SV2C: variants seen among roughly 807,000 people sequenced by gnomAD.
The protein encoded by SV2C is solute carrier family 22 member B3.
SV2C carries 49 observed loss-of-function variants against 79.7 expected under a neutral mutation model. That is an observed-to-expected ratio of 0.61 (90% confidence interval 0.49 to 0.78). The LOEUF (loss-of-function observed/expected upper bound fraction) is 0.78, where lower values mean the gene tolerates loss of function less well. Ranked by LOEUF, SV2C falls within the 30% of genes least tolerant of loss-of-function variation. The probability of loss-of-function intolerance (pLI) is 0.00; values close to 1 mark genes in which losing one functional copy is unlikely to be tolerated. For missense variants in SV2C, 833 were observed against 912.9 expected (o/e 0.91, Z 1.13); for synonymous variants, 334 against 333.2 (o/e 1.00, Z -0.03).
At chr5:76,042,037 G>A in the SV2C span, among the ~76,000 whole-genome samples, 1 of 152,140 alleles carries the variant, frequency 6.6e-6, no homozygotes, top group South Asian at 2.1e-4. Flanking sequence ...CATCCCACCT[G>A]TGTAGCCTGC....
chr5:75,910,598 T>A, the SV2C span: 2 of 738,806 alleles, frequency 2.7e-6, no homozygotes, highest in East Asian at 5.5e-5. Flanking sequence ...AATTGCCAAG[T>A]GGGGTTGAAA....
the SV2C span, among the ~76,000 whole-genome samples, chr5:75,998,022 T>A: frequency 1.3e-5 from 2 of 152,000 alleles, no homozygotes; most frequent in South Asian, 2.1e-4. Flanking sequence ...TAAAAAAGGA[T>A]GAGTTCATGT....
chr5:76,268,335 A>G (rs1289521740), intron 4 of SV2C, among the ~76,000 whole-genome samples: 1 of 152,172 alleles, frequency 6.6e-6, no homozygotes, highest in Non-Finnish European at 1.5e-5. Flanking sequence ...GTGATACTGG[A>G]TTCACGGGGC....
the SV2C span, among the ~76,000 whole-genome samples, chr5:75,880,805 C>G: frequency 6.6e-6 from 1 of 152,148 alleles, no homozygotes; most frequent in South Asian, 2.1e-4. Context: ...CCCCACTTCT[C>G]AGTACCAATT....
At chr5:76,255,723 G>A (rs909452950) in intron 4 of SV2C, among the ~76,000 whole-genome samples, 4 of 152,118 alleles carry the variant, frequency 2.6e-5, no homozygotes, top group African/African-American at 7.2e-5. Context: ...GAGTGGTCAC[G>A]CCTGGCCACC....
chr5:75,880,941 C>T, the SV2C span, among the ~76,000 whole-genome samples: 1 of 152,162 alleles, frequency 6.6e-6, no homozygotes, highest in African/African-American at 2.4e-5. Context: ...GCATCTGCTT[C>T]TGGTGAAGAT....
At chr5:75,955,838 A>G in the SV2C span, among the ~76,000 whole-genome samples, 1 of 152,028 alleles carries the variant, frequency 6.6e-6, no homozygotes, top group Admixed American at 6.5e-5. Context: ...AATCAAAACC[A>G]CAATGAGATA....
At chr5:75,948,197 G>C in the SV2C span, among the ~76,000 whole-genome samples, 1 of 151,982 alleles carries the variant, frequency 6.6e-6, no homozygotes, top group Non-Finnish European at 1.5e-5. Context: ...ATGTAAGTTA[G>C]GACTGCACCT....
chr5:76,232,508 T>C (rs1359170860), intron 4 of SV2C, among the ~76,000 whole-genome samples: 1 of 149,336 alleles, frequency 6.7e-6, no homozygotes, highest in Non-Finnish European at 1.5e-5. Flanking sequence ...CATGAAGTCC[T>C]TGCCCATGCC....
upstream of SV2C, among the ~76,000 whole-genome samples, chr5:76,081,664 G>T (rs528281529): frequency 1.3e-5 from 2 of 152,144 alleles, no homozygotes; most frequent in African/African-American, 4.8e-5. Flanking sequence ...CCTCTCACCG[G>T]AACAAGACAG....
At chr5:75,964,128 A>G in the SV2C span, among the ~76,000 whole-genome samples, 1 of 151,662 alleles carries the variant, frequency 6.6e-6, no homozygotes, top group South Asian at 2.1e-4. Flanking sequence ...CTGTCTGTTC[A>G]TGTTTTCTTT....
the SV2C span, among the ~76,000 whole-genome samples, chr5:76,063,636 G>A: frequency 5.4e-4 from 82 of 152,244 alleles, no homozygotes; most frequent in African/African-American, 1.6e-3. Flanking sequence ...AGGACTTCCC[G>A]AAGGACCCAA....
chr5:75,961,593 C>A, the SV2C span, among the ~76,000 whole-genome samples: 4 of 151,146 alleles, frequency 2.6e-5, no homozygotes, highest in African/African-American at 9.8e-5. Flanking sequence ...ATTTTAAATA[C>A]AATTATTTTT....
At chr5:76,172,022 C>A (rs1743296722) in intron 2 of SV2C, among the ~76,000 whole-genome samples, 1 of 119,210 alleles carries the variant, frequency 8.4e-6, no homozygotes, top group Non-Finnish European at 1.8e-5. Flanking sequence ...GCCGCCCCGT[C>A]TGGGAGGTGA....
chr5:75,921,590 T>C, the SV2C span: 1 of 963,528 alleles, frequency 1.0e-6, no homozygotes, highest in Non-Finnish European at 1.7e-6. Context: ...GTTCCTGTTG[T>C]AGGAGGTGAC....
chr5:76,228,050 ATCTCTC>A (rs143825160), intron 4 of SV2C, among the ~76,000 whole-genome samples: 5 of 148,020 alleles, frequency 3.4e-5, no homozygotes, highest in East Asian at 2.0e-4. Flanking sequence ...CTTTCTCTCT[ATCTCTC>A]TCTCTCTCTC....
At chr5:75,992,424 TA>T in the SV2C span, among the ~76,000 whole-genome samples, 1 of 152,064 alleles carries the variant, frequency 6.6e-6, no homozygotes, top group East Asian at 1.9e-4. Flanking sequence ...GTTTAGTTAA[TA>T]TCAGTCCCCA....
intron 1 of SV2C, among the ~76,000 whole-genome samples, chr5:76,123,805 C>T (rs888371427): frequency 6.6e-6 from 1 of 152,158 alleles, no homozygotes; most frequent in Non-Finnish European, 1.5e-5. Context: ...GATATGCTCA[C>T]AGCCAAGAAT....
the SV2C span, among the ~76,000 whole-genome samples, chr5:75,932,915 A>G: frequency 6.6e-6 from 1 of 152,184 alleles, no homozygotes; most frequent in African/African-American, 2.4e-5. Context: ...GAACTATTTA[A>G]TAAATGATGA....
Sources: allele counts gnomAD v4.1 joint callset (sites outside exome capture counted in the v4.1 genomes callset), GRCh38; gene constraint gnomAD v4.1.1; transcripts MANE v1.5; gene names NCBI Gene and HGNC (gene_info 2026-07-23, HGNC 2026-07-21).